HPSE2: variants seen among roughly 807,000 people sequenced by gnomAD.
HPSE2 encodes heparanase 2 (inactive), also known as inactive heparanase-2.
Under a neutral mutation model 60.5 loss-of-function variants are expected in HPSE2, and 38 were observed. The observed-to-expected ratio is 0.63, with a 90% CI of 0.48 to 0.82. The LOEUF is 0.82. HPSE2 is among the 40% of genes least tolerant of loss of function. HPSE2 has a pLI of 0.00. For synonymous variants in HPSE2, 295 were observed against 293.2 expected, an observed-to-expected ratio of 1.01 and a Z score of -0.06; for missense variants, 713 against 740.4, an observed-to-expected ratio of 0.96 and a Z score of 0.43.
intron 2 of HPSE2, among the ~76,000 whole-genome samples, chr10:99,167,211 A>C (rs1004652814): frequency 6.6e-6 from 1 of 151,982 alleles, no homozygotes; most frequent in African/African-American, 2.4e-5. Context: ...GAGTTTCACC[A>C]TGTTGGCCAG....
chr10:99,045,495 A>G (rs1957834250), intron 3 of HPSE2, among the ~76,000 whole-genome samples: 1 of 152,126 alleles, frequency 6.6e-6, no homozygotes. Context: ...TTACAGAAGA[A>G]CCAAATGAAA....
At chr10:98,659,024 T>C (rs516796) in intron 6 of HPSE2, among the ~76,000 whole-genome samples, 30,240 of 151,956 alleles carry the variant, frequency 0.2, 3,342 homozygotes, top group East Asian at 0.34. Flanking sequence ...CCATCATCAT[T>C]ATCTAGTTCC....
At chr10:98,740,716 G>A (rs541520381) in intron 4 of HPSE2, among the ~76,000 whole-genome samples, 1 of 152,284 alleles carries the variant, frequency 6.6e-6, no homozygotes, top group Non-Finnish European at 1.5e-5. Flanking sequence ...TTAACATGGT[G>A]TAGGTATATG....
At chr10:99,283,429 G>A in the HPSE2 span, among the ~76,000 whole-genome samples, 2 of 149,516 alleles carry the variant, frequency 1.3e-5, no homozygotes, top group African/African-American at 4.9e-5. Context: ...GCTTGAGCCA[G>A]GAGGGCAAGG....
chr10:99,289,526 GTTAA>G, the HPSE2 span, among the ~76,000 whole-genome samples: 1 of 95,862 alleles, frequency 1.0e-5, no homozygotes, highest in African/African-American at 4.6e-5. Context: ...CTTCTTGAAA[GTTAA>G]TTAATTTTTT....
intron 2 of HPSE2, among the ~76,000 whole-genome samples, chr10:99,202,736 C>T (rs764421762): frequency 6.6e-6 from 1 of 152,096 alleles, no homozygotes; most frequent in Non-Finnish European, 1.5e-5. Flanking sequence ...CACTCATCAC[C>T]CCTATAGACA....
chr10:99,132,203 G>A (rs368118692), intron 3 of HPSE2, among the ~76,000 whole-genome samples: 1,477 of 14,668 alleles, frequency 0.1, 116 homozygotes, highest in Admixed American at 0.15. Flanking sequence ...GAGAGAGAGA[G>A]AGAGAGAGAG....
At chr10:99,193,140 A>G (rs1848278852) in intron 2 of HPSE2, among the ~76,000 whole-genome samples, 1 of 152,198 alleles carries the variant, frequency 6.6e-6, no homozygotes, top group African/African-American at 2.4e-5. Context: ...AAAATGTTTA[A>G]AAGCAGAGGG....
chr10:98,606,534 C>T (rs1193909015), intron 9 of HPSE2, among the ~76,000 whole-genome samples: 1 of 152,056 alleles, frequency 6.6e-6, no homozygotes, highest in Non-Finnish European at 1.5e-5. Context: ...GACAACAAGA[C>T]GAGGGTGAAT....
At chr10:99,100,825 A>G (rs950348987) in intron 3 of HPSE2, among the ~76,000 whole-genome samples, 10 of 152,186 alleles carry the variant, frequency 6.6e-5, no homozygotes, top group South Asian at 2.1e-4. Context: ...AGAAGAGAGT[A>G]GGGGCCAATA....
intron 3 of HPSE2, among the ~76,000 whole-genome samples, chr10:98,967,181 G>C (rs999620433): frequency 1.3e-4 from 20 of 152,140 alleles, no homozygotes; most frequent in African/African-American, 4.6e-4. Flanking sequence ...ATAGATAATG[G>C]AGCTGGGTAT....
chr10:98,646,087 T>G (rs1946761482), intron 6 of HPSE2, among the ~76,000 whole-genome samples: 2 of 152,206 alleles, frequency 1.3e-5, no homozygotes, highest in Non-Finnish European at 2.9e-5. Flanking sequence ...ACTTACCCAT[T>G]GTAAATGTGA....
chr10:99,206,971 T>G (rs1848770041), intron 2 of HPSE2, among the ~76,000 whole-genome samples: 1 of 152,072 alleles, frequency 6.6e-6, no homozygotes, highest in African/African-American at 2.4e-5. Flanking sequence ...AGAGGAAGAC[T>G]AGGAAAGAAA....
At chr10:98,616,520 T>C (rs1001637897) in intron 8 of HPSE2, among the ~76,000 whole-genome samples, 2 of 152,196 alleles carry the variant, frequency 1.3e-5, no homozygotes, top group African/African-American at 4.8e-5. Context: ...AAGAATTAAG[T>C]TTTTTCCTTG....
chr10:98,730,654 T>C (rs11527893), intron 4 of HPSE2, among the ~76,000 whole-genome samples: 22,199 of 151,708 alleles, frequency 0.15, 1,972 homozygotes, highest in Admixed American at 0.23. Context: ...AGTAATTAAG[T>C]TGATAAGGAA....
intron 6 of HPSE2, among the ~76,000 whole-genome samples, chr10:98,691,226 T>C (rs576835672): frequency 6.6e-6 from 1 of 152,260 alleles, no homozygotes; most frequent in Non-Finnish European, 1.5e-5. Flanking sequence ...AAAGGATAAA[T>C]TGTAGATTCC....
At chr10:99,238,935 G>A (rs771537323), upstream of HPSE2, among the ~76,000 whole-genome samples, 4 of 152,054 alleles carry the variant, frequency 2.6e-5, no homozygotes, top group South Asian at 4.2e-4. Context: ...CAAGGCAGGC[G>A]GATCACCTGA....
At chr10:98,471,702 C>T (rs1193607749) in intron 11 of HPSE2, among the ~76,000 whole-genome samples, 1 of 152,000 alleles carries the variant, frequency 6.6e-6, no homozygotes, top group African/African-American at 2.4e-5. Context: ...TCGGTGTGTA[C>T]CAGGGATGTT....
At chr10:98,934,829 G>T (rs1165094850) in intron 3 of HPSE2, among the ~76,000 whole-genome samples, 1 of 143,658 alleles carries the variant, frequency 7.0e-6, no homozygotes, top group Non-Finnish European at 1.5e-5. Context: ...GGCCTGTCTT[G>T]CTAGGTTGGG....
Sources: allele counts gnomAD v4.1 joint callset (sites outside exome capture counted in the v4.1 genomes callset), GRCh38; gene constraint gnomAD v4.1.1; transcripts MANE v1.5; gene names NCBI Gene and HGNC (gene_info 2026-07-23, HGNC 2026-07-21).